Variants in ADCY7 observed in about 807,000 individuals in gnomAD.
ADCY7 encodes adenylate cyclase type 7.
ADCY7 carries 72 observed loss-of-function variants against 120.6 expected under a neutral mutation model. That is an observed-to-expected ratio of 0.60 (90% CI 0.49 to 0.73). ADCY7 has a LOEUF of 0.73. Among genes scored for constraint, ADCY7 ranks in the 30% least tolerant of loss-of-function variants. The pLI is 0.00. For missense variants in ADCY7, 1,227 were observed against 1,486.0 expected, an observed-to-expected ratio of 0.83 and a Z score of 2.87; for synonymous variants, 661 against 628.0, an observed-to-expected ratio of 1.05 and a Z score of -0.78.
At position 50,269,868 on chromosome 16, in the gene ADCY7, G is replaced by A. The variant is rs929847372; in HGVS notation, c.-269+3188G>A. ...GCAGCCCATTCTAGCCTTTCATGGGGTGGGAGGGAGGCATTTACTACTTTT... is the reference window on the plus strand; with the variant it reads ...GCAGCCCATTCTAGCCTTTCATGGGATGGGAGGGAGGCATTTACTACTTTT... On this transcript the variant is annotated intron_variant, in intron 1 of 25. Transcript: ENST00000673801. Among the ~76,000 whole-genome samples, 5 of 152,136 alleles carry A rather than the reference G, an allele frequency of 3.3e-5. No individual in the cohort carries two copies. In the East Asian group the frequency reaches 7.7e-4, roughly 23 times the overall value.
chr16:50,285,846 C>T (rs2034547436), intron 1 of ADCY7, among the ~76,000 whole-genome samples: 1 of 152,178 alleles, frequency 6.6e-6, no homozygotes, highest in Non-Finnish European at 1.5e-5. Flanking sequence ...AGAGAGAGCC[C>T]AGACTAGCAC....
At chr16:50,292,117 G>T (rs1365002928) in intron 4 of ADCY7, among the ~76,000 whole-genome samples, 3 of 152,204 alleles carry the variant, frequency 2.0e-5, no homozygotes, top group Admixed American at 2.0e-4. Flanking sequence ...CTCCCCTGTG[G>T]CTCAGCCCTC....
intron 1 of ADCY7, among the ~76,000 whole-genome samples, chr16:50,270,668 G>A (rs1302548607): frequency 6.6e-6 from 1 of 152,218 alleles, no homozygotes. Flanking sequence ...GGTGGTGCAG[G>A]CAGGCAGGGC....
chr16:50,265,172 T>A (rs2033165021), upstream of ADCY7, among the ~76,000 whole-genome samples: 1 of 152,202 alleles, frequency 6.6e-6, no homozygotes, highest in Non-Finnish European at 1.5e-5. Context: ...AGGAGTCTTT[T>A]GTCAGTCATA....
chr16:50,269,747 C>A (rs1398341444), intron 1 of ADCY7, among the ~76,000 whole-genome samples: 1 of 152,206 alleles, frequency 6.6e-6, no homozygotes, highest in Non-Finnish European at 1.5e-5. Context: ...ACCTCTCCCA[C>A]TGCCCAGGGA....
upstream of ADCY7, among the ~76,000 whole-genome samples, chr16:50,263,311 G>T (rs931174866): frequency 1.3e-5 from 2 of 152,108 alleles, no homozygotes; most frequent in Admixed American, 1.3e-4. Flanking sequence ...AGCGTGAGGG[G>T]TGGGGTGTCA....
Position 50,316,420 on chromosome 16 carries a change from G to C in ADCY7, c.*915G>C, listed in dbSNP as rs56018511. The C allele has an allele frequency of 6.6e-6, 1 of 152,316 alleles. No individual in the cohort carries two copies. The highest frequency in any genetic ancestry group is 2.4e-5 in the African/African-American group (1 of 41,434). 9.4% of individuals were successfully genotyped at this position (152,316 alleles called of 1,614,324 possible). A position where few individuals can be genotyped will look rare whatever the true frequency, so the allele number is the denominator to read the frequency against. ...TCCTTGATTACTCACACATCTTTGC[G>C]TTCTCCCCTGCCGTCCTTCAACTGT... is the stretch of plus-strand genomic sequence containing the variant. On this transcript the variant is annotated 3_prime_UTR_variant, in exon 26 of 26. Coordinates refer to ENST00000673801, the MANE Select transcript of ADCY7 (RefSeq NM_001114.5).
intron 9 of ADCY7, 62 bp downstream of exon 9, chr16:50,300,935 C>G: frequency 1.3e-6 from 2 of 1,541,436 alleles, no homozygotes; most frequent in Non-Finnish European, 1.8e-6. Flanking sequence ...ATGGAGGGTT[C>G]TGCGGTTGGG....
intron 5 of ADCY7, 29 bp from the exon 6 acceptor site, chr16:50,293,325 C>T (rs1289012299): frequency 3.1e-6 from 5 of 1,603,704 alleles, no homozygotes; most frequent in Admixed American, 1.7e-5. Context: ...TTTGCTGGTC[C>T]CTCTGCTGGT....
At chr16:50,270,506 G>T (rs1375826099) in intron 1 of ADCY7, among the ~76,000 whole-genome samples, 1 of 152,200 alleles carries the variant, frequency 6.6e-6, no homozygotes, top group Non-Finnish European at 1.5e-5. Context: ...GCATCAGGTG[G>T]TTGTAAAGAT....
At chr16:50,263,303 C>T (rs764738766), upstream of ADCY7, among the ~76,000 whole-genome samples, 11 of 151,952 alleles carry the variant, frequency 7.2e-5, no homozygotes, top group Non-Finnish European at 1.5e-4. Flanking sequence ...TCCTAGACAG[C>T]GTGAGGGGTG....
chr16:50,251,945 TG>T (rs1452256500), intron 1 of ADCY7, among the ~76,000 whole-genome samples: 1 of 152,210 alleles, frequency 6.6e-6, no homozygotes, highest in Non-Finnish European at 1.5e-5. Flanking sequence ...GGGCAATGGC[TG>T]GGGGCTTCAG....
chr16:50,313,977 T>G lies in ADCY7; in HGVS notation c.2771T>G (p.Phe924Cys). The change falls in exon 23 of 26, where the codon TTC (phenylalanine) becomes TGC (cysteine). Residue 924 changes from phenylalanine to cysteine, a missense_variant. This residue lies in a region of ADCY7 where 244 missense variants were observed against 332.8 expected (regional missense o/e 0.73). Coordinates refer to ENST00000673801, the MANE Select transcript of ADCY7 (RefSeq NM_001114.5). Reference sequence around the variant, plus strand: ...CTGCAGCTCCTACTGAAGCCCAAGTTCAGCGGCGTGGAGAAGATCAAGACC... The same window carrying G: ...CTGCAGCTCCTACTGAAGCCCAAGTGCAGCGGCGTGGAGAAGATCAAGACC... Reference protein sequence around the residue: ...DFDELLLKPKFSGVEKIKTIG... With the variant: ...DFDELLLKPKCSGVEKIKTIG... 1 of 1,613,928 alleles carries G rather than the reference T, an allele frequency of 6.2e-7. No homozygotes were observed. The highest frequency in any genetic ancestry group is 8.5e-7 in the Non-Finnish European group (1 of 1,179,826).
intron 4 of ADCY7, among the ~76,000 whole-genome samples, chr16:50,292,296 A>G (rs2035037517): frequency 6.6e-6 from 1 of 152,136 alleles, no homozygotes; most frequent in Admixed American, 6.5e-5. Context: ...GTTCATAATT[A>G]TTGGGTGTTT....
chr16:50,308,497 G>T (rs2036231670), intron 16 of ADCY7, 86 bp downstream of exon 16: 1 of 1,592,050 alleles, frequency 6.3e-7, no homozygotes, highest in African/African-American at 1.3e-5. Context: ...GCTTGGCTGG[G>T]CTGAGCCCCT....
At chr16:50,285,979 G>C (rs887685207) in intron 1 of ADCY7, among the ~76,000 whole-genome samples, 5 of 152,154 alleles carry the variant, frequency 3.3e-5, no homozygotes, top group Non-Finnish European at 7.3e-5. Context: ...AGCATGGCAA[G>C]TGTGGGGTCA....
At position 50,308,655 on chromosome 16, in the gene ADCY7, G is replaced by A. The variant is rs781030342; in HGVS notation, c.1936-12G>A. The A allele has an allele frequency of 7.5e-6, 12 of 1,606,518 alleles. No individual in the cohort carries two copies. In the African/African-American group the frequency reaches 1.6e-4, roughly 21 times the overall value. ...TGTTGGCTCTGGGTGACTTGACCCT[G>A]TTACCCCACAGAGGTGCTGCCCAGC... On this transcript the variant is annotated splice_polypyrimidine_tract_variant and intron_variant, in intron 16 of 25. Coordinates refer to ENST00000673801, the MANE Select transcript of ADCY7 (RefSeq NM_001114.5).
intron 1 of ADCY7, among the ~76,000 whole-genome samples, chr16:50,253,979 C>G (rs954699309): frequency 1.3e-5 from 2 of 152,160 alleles, no homozygotes; most frequent in African/African-American, 2.4e-5. Flanking sequence ...GTCTCTGTCT[C>G]TCTCTGTCTG....
At chr16:50,269,332 G>A (rs2033412949) in intron 1 of ADCY7, among the ~76,000 whole-genome samples, 1 of 152,224 alleles carries the variant, frequency 6.6e-6, no homozygotes, top group Non-Finnish European at 1.5e-5. Flanking sequence ...TGTGTCTTTG[G>A]CGAGATCAGA....
Sources: allele counts gnomAD v4.1 joint callset (sites outside exome capture counted in the v4.1 genomes callset), GRCh38; gene constraint gnomAD v4.1.1; regional missense constraint gnomAD v4.1.1; transcripts MANE v1.5; gene names NCBI Gene and HGNC (gene_info 2026-07-23, HGNC 2026-07-21).